The following LAMP3 variants were observed in gnomAD, a reference collection of about 807,000 sequenced individuals.
LAMP3 encodes lysosome-associated membrane glycoprotein 3.
In LAMP3, 26 loss-of-function variants were observed where a neutral mutation model predicts 34.8. That is an observed-to-expected ratio of 0.75 (90% CI 0.55 to 1.04). The LOEUF (loss-of-function observed/expected upper bound fraction) is 1.04. Among genes scored for constraint, LAMP3 ranks in the 50% least tolerant of loss-of-function variants. The pLI is 0.00. For synonymous variants in LAMP3, 180 were observed against 201.9 expected, an observed-to-expected ratio of 0.89 and a Z score of 0.92; for missense variants, 495 against 524.0, an observed-to-expected ratio of 0.94 and a Z score of 0.54.
Position 183,123,978 on chromosome 3 carries a change from T to C in LAMP3, c.*103A>G, listed in dbSNP as rs1000864672. ...TTTGAATAGAAGATGGTGGTTTACA[T>C]TGTTTGAAGGACCCACACTCTGAGG... is the stretch of plus-strand genomic sequence containing the variant. On this transcript the variant is annotated 3_prime_UTR_variant, in exon 6 of 6. Transcript: ENST00000265598. 4.0e-6 allele frequency: 5 copies of C among 1,265,672 alleles called. No individual in the cohort carries two copies. The highest frequency in any genetic ancestry group is 1.5e-5 in the African/African-American group (1 of 67,082). 78.4% of individuals were successfully genotyped at this position (1,265,672 alleles called of 1,614,324 possible). A position where few individuals can be genotyped will look rare whatever the true frequency, so the allele number is the denominator to read the frequency against.
intron 5 of LAMP3, among the ~76,000 whole-genome samples, chr3:183,124,964 C>T (rs902153495): frequency 1.3e-5 from 2 of 152,184 alleles, no homozygotes; most frequent in African/African-American, 4.8e-5. Flanking sequence ...TATTGTATTA[C>T]TTTTAGCTAA....
intron 4 of LAMP3, among the ~76,000 whole-genome samples, chr3:183,137,274 G>A (rs1416388576): frequency 6.7e-6 from 1 of 149,840 alleles, no homozygotes; most frequent in East Asian, 2.0e-4. Flanking sequence ...AGGTGAGATC[G>A]TGCCACTGCA....
At position 183,124,020 on chromosome 3, in the gene LAMP3, A is replaced by G; in HGVS notation, c.*61T>C. ...ACTCTGAGGGAATTTCCCAACATCCATCCTGGAAGGGATGAAAGAGTTCTC... is the reference window on the plus strand; with the variant it reads ...ACTCTGAGGGAATTTCCCAACATCCGTCCTGGAAGGGATGAAAGAGTTCTC... On this transcript the variant is annotated 3_prime_UTR_variant, in exon 6 of 6. Coordinates refer to ENST00000265598, the MANE Select transcript of LAMP3 (RefSeq NM_014398.4). The G allele has an allele frequency of 6.3e-7, 1 of 1,593,212 alleles. No homozygotes were observed. Among genetic ancestry groups the G allele is most frequent in the Admixed American group, 1.7e-5 (1 of 59,514 alleles).
intron 4 of LAMP3, 67 bp from the exon 5 acceptor site, chr3:183,135,954 G>A (rs1720074078): frequency 5.4e-6 from 7 of 1,301,048 alleles, no homozygotes; most frequent in Non-Finnish European, 7.8e-6. Flanking sequence ...GCTGTGGCCG[G>A]GCTGCCTGTG....
chr3:183,132,210 T>G (rs994903890), intron 5 of LAMP3: 1 of 985,198 alleles, frequency 1.0e-6, no homozygotes, highest in South Asian at 4.7e-5. Flanking sequence ...ATATGTGCTT[T>G]AAATTAAAAA....
chr3:183,159,468 T>A (rs1197506950), intron 1 of LAMP3, among the ~76,000 whole-genome samples: 1 of 152,162 alleles, frequency 6.6e-6, no homozygotes, highest in Non-Finnish European at 1.5e-5. Context: ...CTACACACTG[T>A]CTGCAGAGCT....
At chr3:183,141,643 G>A (rs967428266) in intron 3 of LAMP3, among the ~76,000 whole-genome samples, 1 of 152,092 alleles carries the variant, frequency 6.6e-6, no homozygotes, top group African/African-American at 2.4e-5. Context: ...GTGTATTAGT[G>A]GATAAAATGT....
intron 1 of LAMP3, among the ~76,000 whole-genome samples, chr3:183,154,920 T>C (rs1471411079): frequency 3.1e-5 from 4 of 130,710 alleles, no homozygotes; most frequent in African/African-American, 1.1e-4. Flanking sequence ...CTCCAATCTT[T>C]TTTTTCTTTT....
At chr3:183,146,848 T>C (rs1440012920) in intron 3 of LAMP3, among the ~76,000 whole-genome samples, 1 of 151,900 alleles carries the variant, frequency 6.6e-6, no homozygotes, top group East Asian at 1.9e-4. Flanking sequence ...TAAAAATGTG[T>C]TGCCAACATT....
intron 3 of LAMP3, 93 bp from the exon 4 acceptor site, chr3:183,140,688 A>T: frequency 2.4e-6 from 2 of 840,768 alleles, no homozygotes; most frequent in Non-Finnish European, 4.1e-6. Flanking sequence ...CCAGCTATTA[A>T]ATCTGGATAT....
Position 183,159,188 on chromosome 3 carries a change from C to T in LAMP3, c.49+3419G>A, listed in dbSNP as rs537601954. On this transcript the variant is annotated intron_variant, in intron 1 of 5. Coordinates refer to ENST00000265598, the MANE Select transcript of LAMP3 (RefSeq NM_014398.4). ...GATTACAGGCATTGGCCACTGTGCC[C>T]GACTGACAAGTGTCTTTATCAAATC... Among the ~76,000 whole-genome samples, 469 of 152,276 alleles carry T rather than the reference C, an allele frequency of 3.1e-3. 2 individuals carry two copies. The highest frequency in any genetic ancestry group is 0.01 in the African/African-American group (433 of 41,534).
intron 3 of LAMP3, among the ~76,000 whole-genome samples, chr3:183,150,717 CAGCT>C (rs1314547892): frequency 6.6e-6 from 1 of 151,874 alleles, no homozygotes; most frequent in Non-Finnish European, 1.5e-5. Context: ...CTACCATGCC[CAGCT>C]AATTTTATTT....
In LAMP3 at chr3:183,153,665, C is replaced by T. The variant is rs2108611783; in HGVS notation, c.759+17G>A. ...ACTTTTTGAAGATAGTGTTATAGTC[C>T]TGTGGCCCCAACTTACCGACTCCTT... is the stretch of plus-strand genomic sequence containing the variant. On this transcript the variant is annotated intron_variant, in intron 2 of 5. Transcript: ENST00000265598. 1 of 1,492,352 alleles carries T rather than the reference C, an allele frequency of 6.7e-7. No individual in the cohort carries two copies. Among genetic ancestry groups the T allele is most frequent in the South Asian group, 1.4e-5 (1 of 73,574 alleles). 92.4% of individuals were successfully genotyped at this position (1,492,352 alleles called of 1,614,324 possible).
Position 183,135,845 on chromosome 3 carries a change from T to C in LAMP3, c.989A>G (p.Gln330Arg). 6.2e-7 allele frequency: 1 copy of C among 1,614,108 alleles called. No homozygotes were observed. Residue 330 changes from glutamine (Q) to arginine (R), a missense_variant, in exon 5 of 6, where the codon CAG becomes CGG. By Grantham distance (43) the Gln-to-Arg change is conservative. Coordinates refer to ENST00000265598, the MANE Select transcript of LAMP3 (RefSeq NM_014398.4). Reference protein sequence around the residue: ...QGIKHAVVMFQTAVGHSFKCV... With the variant: ...QGIKHAVVMFRTAVGHSFKCV... ...CTTGAAGGAATGCCCGACTGCTGTC[T>C]GGAACATCACCACCGCATGTTTGAT...
At chr3:183,148,072 G>A (rs1720500251) in intron 3 of LAMP3, among the ~76,000 whole-genome samples, 1 of 152,210 alleles carries the variant, frequency 6.6e-6, no homozygotes, top group East Asian at 1.9e-4. Context: ...ATTGAGGAAA[G>A]GACAGTGTCT....
chr3:183,153,603 G>T, intron 2 of LAMP3, 79 bp downstream of exon 2: 1 of 918,648 alleles, frequency 1.1e-6, no homozygotes, highest in Non-Finnish European at 1.7e-6. Context: ...ACAGGATGTG[G>T]GGAATGCTCA....
At chr3:183,162,866 C>T, upstream of LAMP3, 1 of 528,164 alleles carries the variant, frequency 1.9e-6, no homozygotes, top group Non-Finnish European at 3.3e-6. Context: ...CTCGGCGCAG[C>T]CGCCGGGGCC....
In LAMP3 at chr3:183,162,729, A is replaced by C; in HGVS notation, c.-74T>G. On this transcript the variant is annotated 5_prime_UTR_variant, in exon 1 of 6. Coordinates refer to ENST00000265598, the MANE Select transcript of LAMP3 (RefSeq NM_014398.4). ...CCCCGAATCGGTGCCAGAGAAACCTACCTGTGCCGGAGAAACGAAACCACC... is the reference window on the plus strand; with the variant it reads ...CCCCGAATCGGTGCCAGAGAAACCTCCCTGTGCCGGAGAAACGAAACCACC... The C allele has an allele frequency of 7.4e-7, 1 of 1,355,968 alleles. No individual in the cohort carries two copies. Among genetic ancestry groups the C allele is most frequent in the Non-Finnish European group, 9.7e-7 (1 of 1,029,382 alleles). The allele number at this position is 1,355,968 out of a possible 1,614,324, so 84.0% of individuals were successfully genotyped here.
Position 183,154,323 on chromosome 3 carries a change from T to C in LAMP3, c.118A>G (p.Thr40Ala). 6.2e-7 allele frequency: 1 copy of C among 1,613,838 alleles called. No individual in the cohort carries two copies. Among genetic ancestry groups the C allele is most frequent in the Admixed American group, 1.7e-5 (1 of 59,950 alleles). Residue 40 changes from threonine to alanine, a missense_variant, in exon 2 of 6, where the codon ACT becomes GCT. Physicochemically the swap from Thr to Ala is moderately conservative, Grantham distance 58 (BLOSUM62 0). Coordinates refer to ENST00000265598, the MANE Select transcript of LAMP3 (RefSeq NM_014398.4). ...ATGTCCTGTACTGTTGCTGCTGCAG[T>C]AGGTTGAGAATAATCTCTGGTTTCT... ...FPETRDYSQP[T>A]AAATVQDIKK... is the part of the protein sequence containing the mutation.
Sources: gnomAD v4.1 joint callset for allele counts (sites outside exome capture counted in the v4.1 genomes callset) on GRCh38, gnomAD v4.1.1 for gene constraint, MANE v1.5 for transcripts, NCBI Gene and HGNC (gene_info 2026-07-23, HGNC 2026-07-21) for gene names.